The following ZZZ3 variants were observed in gnomAD, a reference collection of about 807,000 sequenced individuals.
ZZZ3 encodes the protein ZZ-type zinc finger-containing protein 3.
ZZZ3 carries 22 observed loss-of-function variants against 95.2 expected under a neutral mutation model. The ratio of observed to expected loss-of-function variants is 0.23; its 90% CI spans 0.17 to 0.33. The LOEUF (loss-of-function observed/expected upper bound fraction) is 0.33. Ranked by LOEUF, ZZZ3 falls within the 10% of genes least tolerant of loss-of-function variation. ZZZ3 has a pLI of 1.00. For missense variants in ZZZ3, 885 were observed against 1,066.5 expected (o/e 0.83, Z 2.37); for synonymous variants, 335 against 358.9 (o/e 0.93, Z 0.75).
At chr1:77,610,683 A>G (rs1389950616) in intron 5 of ZZZ3, among the ~76,000 whole-genome samples, 1 of 152,034 alleles carries the variant, frequency 6.6e-6, no homozygotes, top group Non-Finnish European at 1.5e-5. Context: ...GCGATACATC[A>G]TATCAACAGA....
intron 5 of ZZZ3, among the ~76,000 whole-genome samples, chr1:77,591,399 A>C (rs1487336866): frequency 6.6e-6 from 1 of 152,010 alleles, no homozygotes; most frequent in Non-Finnish European, 1.5e-5. Context: ...CCCAGGCTGG[A>C]GTACACAATC....
Position 77,633,048 on chromosome 1 carries a change from T to G in ZZZ3, c.307A>C (p.Asn103His). ...GGTTCTGTTTGCCTTCTCTCACAAT[T>G]TTCTATAGCCTGCCTTTCTATGTTA... ...KDNIERQAIE[N>H]CERRQTEPVS... The change falls in exon 5 of 15, where the codon AAT (asparagine) becomes CAT (histidine). Residue 103 changes from asparagine (N) to histidine (H), a missense_variant. Coordinates refer to ENST00000370801, the MANE Select transcript of ZZZ3 (RefSeq NM_015534.6). 1 of 1,613,912 alleles carries G rather than the reference T, an allele frequency of 6.2e-7. No homozygotes were observed. Among genetic ancestry groups the G allele is most frequent in the South Asian group, 1.1e-5 (1 of 91,086 alleles).
intron 5 of ZZZ3, among the ~76,000 whole-genome samples, chr1:77,622,098 A>C (rs1468450169): frequency 6.6e-6 from 1 of 150,482 alleles, no homozygotes; most frequent in African/African-American, 2.4e-5. Context: ...CCAGGAGTTC[A>C]AAACTAGCCT....
At chr1:77,617,947 A>AAAAT (rs1031446375) in intron 5 of ZZZ3, among the ~76,000 whole-genome samples, 4 of 152,096 alleles carry the variant, frequency 2.6e-5, no homozygotes, top group African/African-American at 7.2e-5. Flanking sequence ...TCCATCTCAA[A>AAAAT]AAATAAATAA....
intron 1 of ZZZ3, among the ~76,000 whole-genome samples, chr1:77,661,250 T>TA (rs982983545): frequency 6.6e-6 from 1 of 151,700 alleles, no homozygotes; most frequent in African/African-American, 2.4e-5. Flanking sequence ...CCGTCTCTAC[T>TA]AAAAAAACAA....
intron 5 of ZZZ3, among the ~76,000 whole-genome samples, chr1:77,587,358 G>A (rs370802945): frequency 4.7e-5 from 7 of 147,888 alleles, no homozygotes; most frequent in African/African-American, 1.5e-4. Flanking sequence ...TCTGCCTCCC[G>A]GGTTCAGGCA....
chr1:77,675,281 A>C (rs1331685504), intron 1 of ZZZ3, among the ~76,000 whole-genome samples: 2 of 152,174 alleles, frequency 1.3e-5, no homozygotes, highest in African/African-American at 4.8e-5. Context: ...TCTGCTTTCC[A>C]ACGGGAAAGT....
At chr1:77,674,169 T>G (rs1173374844) in intron 1 of ZZZ3, among the ~76,000 whole-genome samples, 1 of 152,218 alleles carries the variant, frequency 6.6e-6, no homozygotes, top group Non-Finnish European at 1.5e-5. Flanking sequence ...TTTTATTTGA[T>G]GTCCCCTCCT....
intron 5 of ZZZ3, among the ~76,000 whole-genome samples, chr1:77,618,233 CTTTTTTTTTTTTTTT>C (rs10597366): frequency 2.5e-5 from 2 of 81,070 alleles, no homozygotes; most frequent in East Asian, 4.7e-4. Flanking sequence ...CCAATGCAGC[CTTTTTTTTTTTTTTT>C]TTTTTTTTTT....
chr1:77,665,545 T>C (rs1027329276), intron 1 of ZZZ3, among the ~76,000 whole-genome samples: 7 of 152,324 alleles, frequency 4.6e-5, no homozygotes, highest in East Asian at 1.9e-4. Context: ...TAGACAATGA[T>C]AGTTTCTAAA....
chr1:77,668,780 C>T (rs1000493296), intron 1 of ZZZ3, among the ~76,000 whole-genome samples: 6 of 152,038 alleles, frequency 3.9e-5, no homozygotes, highest in Non-Finnish European at 5.9e-5. Flanking sequence ...GTCCATTTGC[C>T]CAAAACAGAT....
intron 13 of ZZZ3, among the ~76,000 whole-genome samples, chr1:77,567,688 CTTG>C (rs987863173): frequency 8.5e-5 from 13 of 152,132 alleles, no homozygotes; most frequent in Non-Finnish European, 5.9e-5. Context: ...CTGAGTCTGT[CTTG>C]TTTACTGCTG....
intron 1 of ZZZ3, among the ~76,000 whole-genome samples, chr1:77,675,081 C>T (rs1238368495): frequency 6.6e-6 from 1 of 151,690 alleles, no homozygotes; most frequent in Non-Finnish European, 1.5e-5. Flanking sequence ...GTATTACATC[C>T]CCAATAATCT....
intron 6 of ZZZ3, among the ~76,000 whole-genome samples, chr1:77,583,063 C>T (rs1015913250): frequency 1.6e-4 from 24 of 151,936 alleles, no homozygotes; most frequent in Admixed American, 3.9e-4. Context: ...TGAGATCAGA[C>T]CCCACTGCAC....
At chr1:77,664,100 C>A (rs1463015737) in intron 1 of ZZZ3, among the ~76,000 whole-genome samples, 52 of 149,958 alleles carry the variant, frequency 3.5e-4, no homozygotes, top group South Asian at 1.3e-3. Flanking sequence ...AAAAAAAAAA[C>A]AAACTATCTA....
intron 1 of ZZZ3, among the ~76,000 whole-genome samples, chr1:77,678,335 C>T (rs1374802894): frequency 2.6e-5 from 4 of 151,938 alleles, no homozygotes; most frequent in African/African-American, 4.8e-5. Flanking sequence ...GTTCCATACA[C>T]AGTAGCACCA....
At chr1:77,661,945 T>C (rs371402261) in intron 1 of ZZZ3, among the ~76,000 whole-genome samples, 9 of 151,088 alleles carry the variant, frequency 6.0e-5, no homozygotes, top group South Asian at 2.1e-4. Context: ...ATCTCCTGAG[T>C]AGCTAGGACT....
intron 5 of ZZZ3, among the ~76,000 whole-genome samples, chr1:77,602,330 T>G (rs1664809107): frequency 1.3e-5 from 2 of 152,224 alleles, no homozygotes; most frequent in Admixed American, 6.5e-5. Flanking sequence ...CTTCATGTAT[T>G]CTTCTATGTA....
chr1:77,604,405 G>T (rs568375806), intron 5 of ZZZ3, among the ~76,000 whole-genome samples: 1 of 152,288 alleles, frequency 6.6e-6, no homozygotes, highest in East Asian at 1.9e-4. Flanking sequence ...TAAAATGAAA[G>T]AATGAAATAA....
Sources: allele counts gnomAD v4.1 joint callset (sites outside exome capture counted in the v4.1 genomes callset), GRCh38; gene constraint gnomAD v4.1.1; transcripts MANE v1.5; gene names NCBI Gene and HGNC (gene_info 2026-07-23, HGNC 2026-07-21).